The following BMF variants were observed in gnomAD, a reference collection of about 807,000 sequenced individuals.
The protein encoded by BMF is Bcl2 modifying factor.
In BMF, 10 loss-of-function variants were observed where a neutral mutation model predicts 22.0. The observed-to-expected ratio is 0.45, with a 90% CI of 0.28 to 0.77. BMF has a LOEUF of 0.77. Among genes scored for constraint, BMF ranks in the 30% least tolerant of loss-of-function variants. The probability of loss-of-function intolerance (pLI) is 0.13; values close to 1 mark genes in which losing one functional copy is unlikely to be tolerated. For synonymous variants in BMF, 87 were observed against 88.1 expected (o/e 0.99, Z 0.07); for missense variants, 206 against 226.8 (o/e 0.91, Z 0.59).
intron 4 of BMF, among the ~76,000 whole-genome samples, chr15:40,095,682 T>G (rs994039447): frequency 6.6e-6 from 1 of 152,108 alleles, no homozygotes; most frequent in Non-Finnish European, 1.5e-5. Flanking sequence ...AAGCTCACCC[T>G]AGAGCCCTCG....
At chr15:40,104,877 T>C (rs1766702321) in intron 3 of BMF, among the ~76,000 whole-genome samples, 1 of 152,114 alleles carries the variant, frequency 6.6e-6, no homozygotes, top group Admixed American at 6.5e-5. Flanking sequence ...CGCACAGAGC[T>C]GCCAAGTTGC....
intron 4 of BMF, among the ~76,000 whole-genome samples, chr15:40,096,927 C>T (rs749605156): frequency 6.6e-6 from 1 of 152,216 alleles, no homozygotes; most frequent in Non-Finnish European, 1.5e-5. Context: ...CACACTCAAT[C>T]TCTTCAAAAT....
At position 40,091,840 on chromosome 15, in the gene BMF, G is replaced by A. The variant is rs377758902; in HGVS notation, c.502C>T (p.His168Tyr). Residue 168 changes from histidine (H) to tyrosine (Y), a missense_variant, in exon 5 of 5, where the codon CAC becomes TAC. His to Tyr is a moderately conservative substitution (Grantham distance 83). Transcript: ENST00000354670. ...RVWWQILLFL[H>Y]NLALNGEENR... ...TCTTCTCCATTCAAAGCAAGGTTGT[G>A]CAGGAAGAGGAGGATCTGCCACCAC... The A allele has an allele frequency of 8.1e-6, 13 of 1,611,700 alleles. No homozygotes were observed. The highest frequency in any genetic ancestry group is 4.5e-5 in the East Asian group (2 of 44,848).
Position 40,091,672 on chromosome 15 carries a change from AAC to A in BMF, c.*113_*114del. The A allele has an allele frequency of 3.8e-6, 3 of 788,318 alleles. No individual in the cohort carries two copies. Among genetic ancestry groups the A allele is most frequent in the Non-Finnish European group, 6.1e-6 (3 of 490,110 alleles). 48.8% of individuals were successfully genotyped at this position (788,318 alleles called of 1,614,324 possible). A position where few individuals can be genotyped will look rare whatever the true frequency, so the allele number is the denominator to read the frequency against. Reference sequence around the variant, plus strand: ...TCAGAGAGAAATTAAAAAAAATTAAAACACAAAATAACAACAAAAAAACAATT... The same window carrying A: ...TCAGAGAGAAATTAAAAAAAATTAAAACAAAATAACAACAAAAAAACAATT... On this transcript the variant is annotated 3_prime_UTR_variant, in exon 5 of 5. Coordinates refer to ENST00000354670, the MANE Select transcript of BMF (RefSeq NM_001003940.2).
At chr15:40,096,153 CTTTTTT>C (rs532459310) in intron 4 of BMF, among the ~76,000 whole-genome samples, 2 of 115,096 alleles carry the variant, frequency 1.7e-5, no homozygotes, top group African/African-American at 3.5e-5. Flanking sequence ...AAAAGGCCTC[CTTTTTT>C]TTTTTTTTTT....
chr15:40,091,843 G>C lies in BMF; in HGVS notation c.499C>G (p.Leu167Val). ...TCTCCATTCAAAGCAAGGTTGTGCA[G>C]GAAGAGGAGGATCTGCCACCACACA... The part of the protein sequence containing the change: ...NRVWWQILLF[L>V]HNLALNGEEN... The change falls in exon 5 of 5, where the codon CTG (leucine) becomes GTG (valine). Residue 167 changes from leucine (L) to valine (V), a missense_variant. Transcript: ENST00000354670. 1 of 1,611,810 alleles carries C rather than the reference G, an allele frequency of 6.2e-7. No homozygotes were observed. Among genetic ancestry groups the C allele is most frequent in the Non-Finnish European group, 8.5e-7 (1 of 1,179,254 alleles).
In BMF at chr15:40,104,296, C is replaced by A; in HGVS notation, c.337G>T (p.Val113Phe). ...RLPLPASFPA[V>F]LPIGEQPPEG... The stretch of plus-strand genomic sequence containing the variant: ...GGGGGCTGCTCCCCAATGGGCAAGA[C>A]TGCTGGGAAACTGGCAGGGAGAGGA... Residue 113 changes from valine to phenylalanine, a missense_variant, in exon 4 of 5, where the codon GTC (valine) becomes TTC (phenylalanine). Coordinates refer to ENST00000354670, the MANE Select transcript of BMF (RefSeq NM_001003940.2). The A allele has an allele frequency of 6.2e-7, 1 of 1,614,230 alleles. No homozygotes were observed. The highest frequency in any genetic ancestry group is 1.1e-5 in the South Asian group (1 of 91,086).
chr15:40,107,533 A>AGTGT (rs58296260), intron 2 of BMF, among the ~76,000 whole-genome samples: 13,872 of 137,282 alleles, frequency 0.1, 848 homozygotes, highest in African/African-American at 0.15. Context: ...GTGTTTCCCA[A>AGTGT]GTGTGTGTGT....
At chr15:40,093,725 G>C (rs1202283321) in intron 4 of BMF, among the ~76,000 whole-genome samples, 1 of 152,172 alleles carries the variant, frequency 6.6e-6, no homozygotes. Context: ...AAGACCGGTG[G>C]CAAGAACAAT....
intron 4 of BMF, among the ~76,000 whole-genome samples, chr15:40,096,585 G>A (rs770099588): frequency 3.3e-5 from 5 of 152,172 alleles, no homozygotes; most frequent in Admixed American, 6.5e-5. Context: ...TTAGAGCGAC[G>A]GAAACAATGG....
intron 4 of BMF, among the ~76,000 whole-genome samples, chr15:40,095,443 G>A (rs1465928011): frequency 6.6e-6 from 1 of 152,138 alleles, no homozygotes; most frequent in African/African-American, 2.4e-5. Flanking sequence ...TCCACAAGAG[G>A]GTGTGGAGGA....
chr15:40,092,678 G>A (rs867091763), intron 4 of BMF, among the ~76,000 whole-genome samples: 1 of 152,184 alleles, frequency 6.6e-6, no homozygotes, highest in Non-Finnish European at 1.5e-5. Flanking sequence ...GGTTATCCCA[G>A]GTCCTACTGT....
In BMF at chr15:40,106,154, C is replaced by A; in HGVS notation, c.-5-63G>T. 6.7e-7 allele frequency: 1 copy of A among 1,484,990 alleles called. No individual in the cohort carries two copies. Among genetic ancestry groups the A allele is most frequent in the Non-Finnish European group, 9.0e-7 (1 of 1,112,050 alleles). 92.0% of individuals were successfully genotyped at this position (1,484,990 alleles called of 1,614,324 possible). On this transcript the variant is annotated intron_variant, in intron 2 of 4. Coordinates refer to ENST00000354670, the MANE Select transcript of BMF (RefSeq NM_001003940.2). The surrounding 1 kb of genome is among the most constrained non-coding windows in gnomAD (Gnocchi z 4.1). ...CACCAGGGCCATACCTGGAAGGACT[C>A]CCCTTCCCTTCTTCCTACCATACTC... is the stretch of plus-strand genomic sequence containing the variant.
chr15:40,099,791 A>AG (rs72325659), intron 4 of BMF, among the ~76,000 whole-genome samples: 3,686 of 151,084 alleles, frequency 0.024, 285 homozygotes, highest in East Asian at 0.23. Flanking sequence ...AAAAAAAAAA[A>AG]AAAAAAAAAA....
intron 4 of BMF, among the ~76,000 whole-genome samples, chr15:40,094,591 G>A (rs1227920774): frequency 6.6e-6 from 1 of 152,104 alleles, no homozygotes; most frequent in Non-Finnish European, 1.5e-5. Context: ...CTAGATCAAT[G>A]GTTTCTAAAC....
rs1035121888 is a variant in BMF at position 40,089,012 on chromosome 15, A to C, written c.*2775T>G. 2.0e-5 allele frequency: 3 copies of C among 152,542 alleles called. No homozygotes were observed. Among genetic ancestry groups the C allele is most frequent in the African/African-American group, 7.2e-5 (3 of 41,402 alleles). The allele number at this position is 152,542 out of a possible 1,614,324, so 9.4% of individuals were successfully genotyped here. A position where few individuals can be genotyped will look rare whatever the true frequency, so the allele number is the denominator to read the frequency against. On this transcript the variant is annotated 3_prime_UTR_variant, in exon 5 of 5. Coordinates refer to ENST00000354670, the MANE Select transcript of BMF (RefSeq NM_001003940.2). ...TATCAGGCTTCCCTTCCTCCCAGGC[A>C]TTTCTTTCCCGAGGAGGAAGGTTTC... is the stretch of plus-strand genomic sequence containing the variant.
At position 40,098,931 on chromosome 15, in the gene BMF, C is replaced by T. The variant is rs1004369058; in HGVS notation, c.453+5249G>A. ...CTGATGACTCAGAAGCTAAATATAG[C>T]GAGCGATATAAACAGAGCCAGCCAC... On this transcript the variant is annotated intron_variant, in intron 4 of 4. Coordinates refer to ENST00000354670, the MANE Select transcript of BMF (RefSeq NM_001003940.2). Among the ~76,000 whole-genome samples the T allele has an allele frequency of 6.6e-5, 10 of 152,296 alleles. No individual in the cohort carries two copies. In the East Asian group the frequency reaches 7.7e-4, roughly 12 times the overall value.
At chr15:40,105,301 C>G (rs1308126379) in intron 3 of BMF, among the ~76,000 whole-genome samples, 1 of 152,248 alleles carries the variant, frequency 6.6e-6, no homozygotes, top group African/African-American at 2.4e-5. Context: ...CATCCCCTCT[C>G]CTGGCATTGG....
chr15:40,098,774 A>T (rs143222957), intron 4 of BMF, among the ~76,000 whole-genome samples: 12 of 152,258 alleles, frequency 7.9e-5, no homozygotes, highest in African/African-American at 2.9e-4. Context: ...CCAAAAAAAA[A>T]AGCCAATTTC....
Sources: gnomAD v4.1 joint callset for allele counts (sites outside exome capture counted in the v4.1 genomes callset) on GRCh38, gnomAD v4.1.1 for gene constraint, Gnocchi (gnomAD v3.1) non-coding constraint, MANE v1.5 for transcripts, NCBI Gene and HGNC (gene_info 2026-07-23, HGNC 2026-07-21) for gene names.